The following SDK1 variants were observed in gnomAD, a reference collection of about 807,000 sequenced individuals.
SDK1 encodes protein sidekick-1.
In SDK1, 157 loss-of-function variants were observed where a neutral mutation model predicts 245.5. That is an observed-to-expected ratio of 0.64 (90% CI 0.56 to 0.73). The LOEUF is 0.73. SDK1 is among the 30% of genes least tolerant of loss of function. SDK1 has a pLI of 0.00. For missense variants in SDK1, 3,583 were observed against 3,002.3 expected (o/e 1.19, Z -4.52); for synonymous variants, 1,647 against 1,278.5 (o/e 1.29, Z -6.15).
chr7:3,717,426 A>G (rs1785236079), intron 4 of SDK1, among the ~76,000 whole-genome samples: 1 of 152,244 alleles, frequency 6.6e-6, no homozygotes, highest in Non-Finnish European at 1.5e-5. Context: ...AATTTGGCAG[A>G]TGCAACTAAG....
chr7:3,893,346 A>T (rs1781509778), intron 5 of SDK1, among the ~76,000 whole-genome samples: 1 of 151,918 alleles, frequency 6.6e-6, no homozygotes, highest in Non-Finnish European at 1.5e-5. Flanking sequence ...CGGGGGGAGG[A>T]TCCTTAATGC....
chr7:3,326,334 A>G (rs183942569), intron 1 of SDK1, among the ~76,000 whole-genome samples: 1 of 152,282 alleles, frequency 6.6e-6, no homozygotes, highest in Non-Finnish European at 1.5e-5. Context: ...TCAGTCCACA[A>G]CTTGCCAGTT....
chr7:3,655,901 G>A (rs996091844), intron 4 of SDK1, among the ~76,000 whole-genome samples: 3 of 152,058 alleles, frequency 2.0e-5, no homozygotes, highest in South Asian at 2.1e-4. Flanking sequence ...ATATCAAATG[G>A]AAATAATGCT....
chr7:4,193,374 A>ATTTATT (rs917502618), intron 35 of SDK1, among the ~76,000 whole-genome samples: 44 of 5,746 alleles, frequency 7.7e-3, no homozygotes, highest in African/African-American at 0.019. Flanking sequence ...TAAAATATTT[A>ATTTATT]TATATATATA....
At chr7:3,997,019 C>G (rs559708426) in intron 14 of SDK1, among the ~76,000 whole-genome samples, 60 of 152,216 alleles carry the variant, frequency 3.9e-4, no homozygotes, top group Non-Finnish European at 7.2e-4. Flanking sequence ...GCCATATAGC[C>G]CACACCTCAA....
intron 44 of SDK1, among the ~76,000 whole-genome samples, chr7:4,262,018 CTTTTTTTTT>C (rs34610558): frequency 2.9e-4 from 17 of 59,250 alleles, no homozygotes; most frequent in South Asian, 1.9e-3. Flanking sequence ...CTGCTTTCTC[CTTTTTTTTT>C]TTTTTTTTTT....
chr7:3,673,813 G>C (rs1783799513), intron 4 of SDK1, among the ~76,000 whole-genome samples: 2 of 152,106 alleles, frequency 1.3e-5, no homozygotes, highest in Non-Finnish European at 2.9e-5. Context: ...ATACACATTG[G>C]TTTTGTTTGA....
intron 4 of SDK1, among the ~76,000 whole-genome samples, chr7:3,774,222 A>AG (rs1198347447): frequency 2.0e-5 from 3 of 151,926 alleles, no homozygotes; most frequent in Admixed American, 2.0e-4. Context: ...CTCAAAAAAA[A>AG]AAAAAAAAAA....
At chr7:4,065,027 A>G (rs1431734896) in intron 19 of SDK1, among the ~76,000 whole-genome samples, 1 of 152,156 alleles carries the variant, frequency 6.6e-6, no homozygotes, top group Non-Finnish European at 1.5e-5. Context: ...GCTAACAATG[A>G]TGTATATTTC....
chr7:3,745,669 A>G (rs1422796234), intron 4 of SDK1, among the ~76,000 whole-genome samples: 6 of 152,188 alleles, frequency 3.9e-5, no homozygotes, highest in Admixed American at 2.6e-4. Context: ...AGCGACCCCT[A>G]TAAAACTCCC....
intron 1 of SDK1, among the ~76,000 whole-genome samples, chr7:3,534,998 A>G (rs1238907378): frequency 1.3e-5 from 2 of 152,102 alleles, no homozygotes; most frequent in African/African-American, 4.8e-5. Flanking sequence ...TGTAAATGTC[A>G]TGCAGTGGCT....
At chr7:4,067,059 G>A (rs571631809) in intron 19 of SDK1, among the ~76,000 whole-genome samples, 6 of 152,262 alleles carry the variant, frequency 3.9e-5, no homozygotes, top group South Asian at 2.1e-4. Context: ...GGACATCCTC[G>A]TGTTTTCATG....
At chr7:4,046,230 T>C (rs1251601393) in intron 17 of SDK1, among the ~76,000 whole-genome samples, 1 of 152,190 alleles carries the variant, frequency 6.6e-6, no homozygotes, top group Non-Finnish European at 1.5e-5. Context: ...CCGTGAGCCA[T>C]GAGCCACAGC....
At chr7:3,511,434 T>G (rs562545574) in intron 1 of SDK1, among the ~76,000 whole-genome samples, 1 of 152,228 alleles carries the variant, frequency 6.6e-6, no homozygotes, top group African/African-American at 2.4e-5. Flanking sequence ...ATAAGTTGAT[T>G]ATTTAGGTCA....
intron 38 of SDK1, among the ~76,000 whole-genome samples, chr7:4,213,211 A>C (rs1230642118): frequency 2.6e-5 from 4 of 152,154 alleles, no homozygotes; most frequent in Non-Finnish European, 5.9e-5. Flanking sequence ...CAGGAGTTCA[A>C]GACCAGCCTG....
At chr7:3,485,661 C>G (rs1379178975) in intron 1 of SDK1, among the ~76,000 whole-genome samples, 2 of 91,320 alleles carry the variant, frequency 2.2e-5, no homozygotes, top group African/African-American at 4.2e-5. Flanking sequence ...GATGTTTGTG[C>G]TGAGGGGATG....
chr7:4,061,756 G>A (rs1252849217), intron 19 of SDK1, among the ~76,000 whole-genome samples: 2 of 151,836 alleles, frequency 1.3e-5, no homozygotes, highest in Non-Finnish European at 2.9e-5. Flanking sequence ...TGATAGACTG[G>A]ATTAAGAAAA....
chr7:3,960,493 C>T (rs1055820424), intron 8 of SDK1, among the ~76,000 whole-genome samples: 5 of 152,178 alleles, frequency 3.3e-5, no homozygotes, highest in South Asian at 2.1e-4. Context: ...GGTGTGTCAC[C>T]CTTCCAGTGC....
intron 1 of SDK1, among the ~76,000 whole-genome samples, chr7:3,473,994 C>T (rs562901633): frequency 1.7e-4 from 25 of 150,494 alleles, no homozygotes; most frequent in African/African-American, 5.9e-4. Context: ...TATTTTTGGA[C>T]ATCCACCTTT....
Sources: gnomAD v4.1 joint callset for allele counts (sites outside exome capture counted in the v4.1 genomes callset) on GRCh38, gnomAD v4.1.1 for gene constraint, MANE v1.5 for transcripts, NCBI Gene and HGNC (gene_info 2026-07-23, HGNC 2026-07-21) for gene names.